Variants in PNPLA6 observed in about 807,000 individuals in gnomAD.
The protein encoded by PNPLA6 is patatin like domain 6, lysophospholipase.
A neutral mutation model predicts 153.7 loss-of-function variants in PNPLA6; 105 were observed. That is an observed-to-expected ratio of 0.68 (90% CI 0.58 to 0.80). PNPLA6 has a LOEUF of 0.80. Ranked by LOEUF, PNPLA6 falls within the 30% of genes least tolerant of loss-of-function variation. The pLI is 0.00. For synonymous variants in PNPLA6, 825 were observed against 822.2 expected (o/e 1.00, Z -0.06); for missense variants, 1,423 against 1,919.3 (o/e 0.74, Z 4.83).
intron 10 of PNPLA6, 46 bp from the exon 11 acceptor site, chr19:7,542,515 T>C (rs1387460746): frequency 2.8e-6 from 4 of 1,440,254 alleles, no homozygotes; most frequent in Non-Finnish European, 3.9e-6. Flanking sequence ...TTTAAAAATC[T>C]TACTCTCATC....
At position 7,540,089 on chromosome 19, in the gene PNPLA6, G is replaced by T. The variant is rs761695365; in HGVS notation, c.554+31G>T. On this transcript the variant is annotated intron_variant, in intron 4 of 31. Coordinates refer to ENST00000600737, the MANE Select transcript of PNPLA6 (RefSeq NM_001166114.2). This position sits in a 1 kb window ranked among gnomAD's most constrained non-coding sequence, Gnocchi z 6.8. Reference sequence around the variant, plus strand: ...TGTTGGGGTGCAGGTGGGGGTGGAGGGCTGCAGACGTGGGGCCGCCCTGAC... The same window carrying T: ...TGTTGGGGTGCAGGTGGGGGTGGAGTGCTGCAGACGTGGGGCCGCCCTGAC... 2.5e-6 allele frequency: 4 copies of T among 1,614,034 alleles called. No individual in the cohort carries two copies. The South Asian group carries it at 3.3e-5, about 13-fold the overall frequency.
chr19:7,536,185 C>G lies in PNPLA6; in HGVS notation c.233-6C>G. The G allele has an allele frequency of 6.2e-7, 1 of 1,602,330 alleles. No homozygotes were observed. The highest frequency in any genetic ancestry group is 8.6e-7 in the Non-Finnish European group (1 of 1,169,358). On this transcript the variant is annotated splice_region_variant and splice_polypyrimidine_tract_variant and intron_variant, in intron 1 of 31. Coordinates refer to ENST00000600737, the MANE Select transcript of PNPLA6 (RefSeq NM_001166114.2). The stretch of plus-strand genomic sequence containing the variant: ...TCGGAGTGCCCCTGTCCCCACCTAT[C>G]CCCAGAAACCCCAGCCCCGGATGGC...
In PNPLA6 at chr19:7,557,325, C is replaced by G. The variant is rs187553476; in HGVS notation, c.3397+41C>G. 27 of 1,214,416 alleles carry G rather than the reference C, an allele frequency of 2.2e-5. No homozygotes were observed. In the Admixed American group the frequency reaches 4.6e-4, roughly 21 times the overall value. 75.2% of individuals were successfully genotyped at this position (1,214,416 alleles called of 1,614,324 possible). A position where few individuals can be genotyped will look rare whatever the true frequency, so the allele number is the denominator to read the frequency against. On this transcript the variant is annotated intron_variant, in intron 27 of 31. Coordinates refer to ENST00000600737, the MANE Select transcript of PNPLA6 (RefSeq NM_001166114.2). ...CACCACCCGCACACGCAAGCACCTCCCGCACCACACACACGCACACGCGTG... is the reference window on the plus strand; with the variant it reads ...CACCACCCGCACACGCAAGCACCTCGCGCACCACACACACGCACACGCGTG...
chr19:7,548,750 TAGAG>T (rs149393655), intron 13 of PNPLA6, among the ~76,000 whole-genome samples: 2 of 149,440 alleles, frequency 1.3e-5, no homozygotes, highest in Non-Finnish European at 3.0e-5. Context: ...CATATATATA[TAGAG>T]AGAGAGATGC....
Position 7,541,360 on chromosome 19 carries a change from ATGGTGCGGCTGC to A in PNPLA6, c.932_943del (p.Met311_Gln315delinsLys). ...CGCCCCTCGAGCCCTGCAGATCATCATGGTGCGGCTGCAGCGAGTCACCTTCCTGGCACTGCA... is the reference window on the plus strand; with the variant it reads ...CGCCCCTCGAGCCCTGCAGATCATCAAGCGAGTCACCTTCCTGGCACTGCA... On this transcript the variant is annotated inframe_deletion, in exon 8 of 32. Transcript: ENST00000600737. The surrounding 1 kb of genome is among the most constrained non-coding windows in gnomAD (Gnocchi z 5.2). 1 of 1,613,442 alleles carries A rather than the reference ATGGTGCGGCTGC, an allele frequency of 6.2e-7. No homozygotes were observed. The highest frequency in any genetic ancestry group is 1.1e-5 in the South Asian group (1 of 91,062).
At position 7,540,211 on chromosome 19, in the gene PNPLA6, G is replaced by C; in HGVS notation, c.617G>C (p.Arg206Pro). The C allele has an allele frequency of 6.2e-7, 1 of 1,610,324 alleles. No homozygotes were observed. Residue 206 changes from arginine to proline, a missense_variant, in exon 5 of 32, where the codon CGG (arginine) becomes CCG (proline). This residue lies in a region of PNPLA6 where 118 missense variants were observed against 158.8 expected (regional missense o/e 0.74). Transcript: ENST00000600737. This position sits in a 1 kb window ranked among gnomAD's most constrained non-coding sequence, Gnocchi z 6.8. ...CTCTGCCGCCACATGGTCTTCCAGC[G>C]GCTGGGCCAGGGTGACTACGTCTTC... is the stretch of plus-strand genomic sequence containing the variant. ...LELCRHMVFQ[R>P]LGQGDYVFRP...
At chr19:7,548,190 C>G (rs60649173) in intron 13 of PNPLA6, among the ~76,000 whole-genome samples, 1 of 151,730 alleles carries the variant, frequency 6.6e-6, no homozygotes, top group Non-Finnish European at 1.5e-5. Flanking sequence ...ACTAAAAATA[C>G]AAAAATTAGC....
chr19:7,546,325 C>T (rs2023385497), intron 13 of PNPLA6, among the ~76,000 whole-genome samples: 1 of 152,048 alleles, frequency 6.6e-6, no homozygotes, highest in Non-Finnish European at 1.5e-5. Flanking sequence ...ATACAATTTA[C>T]CCATTTAAAG....
At position 7,540,415 on chromosome 19, in the gene PNPLA6, C is replaced by A. The variant is rs2023077754; in HGVS notation, c.714+107C>A. ...TCTTTGGAGATGCGTCATCGGGAGT[C>A]AGGGGAACGGGTGACCGAGGACATT... On this transcript the variant is annotated intron_variant, in intron 5 of 31. Coordinates refer to ENST00000600737, the MANE Select transcript of PNPLA6 (RefSeq NM_001166114.2). This position sits in a 1 kb window ranked among gnomAD's most constrained non-coding sequence, Gnocchi z 6.8. 10 of 1,301,962 alleles carry A rather than the reference C, an allele frequency of 7.7e-6. No individual in the cohort carries two copies. The South Asian group carries it at 9.5e-5, about 12-fold the overall frequency. 80.7% of individuals were successfully genotyped at this position (1,301,962 alleles called of 1,614,324 possible).
Position 7,554,654 on chromosome 19 carries a change from G to A in PNPLA6, c.2565G>A (p.Val855=). 1 of 1,614,008 alleles carries A rather than the reference G, an allele frequency of 6.2e-7. No individual in the cohort carries two copies. Reference sequence around the variant, plus strand: ...ACGCCTCGCTGACGCCCTGGACCGTGCGCTGCCTGCGACAGGCCGACTGCA... The same window carrying A: ...ACGCCTCGCTGACGCCCTGGACCGTACGCTGCCTGCGACAGGCCGACTGCA... The part of the protein sequence containing the change: ...QTDASLTPWT[V]RCLRQADCIL... The change falls in exon 21 of 32, where the codon GTG becomes GTA. Residue 855 remains valine, a synonymous_variant. Coordinates refer to ENST00000600737, the MANE Select transcript of PNPLA6 (RefSeq NM_001166114.2).
chr19:7,561,427 G>A, intron 31 of PNPLA6, 61 bp from the exon 32 acceptor site: 2 of 1,466,166 alleles, frequency 1.4e-6, no homozygotes, highest in Admixed American at 1.9e-5. Context: ...CTGGGTGCTG[G>A]CTGACATGTG....
At position 7,542,032 on chromosome 19, in the gene PNPLA6, T is replaced by C. The variant is rs2023171254; in HGVS notation, c.1217T>C (p.Leu406Pro). The C allele has an allele frequency of 6.2e-7, 1 of 1,607,732 alleles. No homozygotes were observed. The highest frequency in any genetic ancestry group is 2.2e-5 in the East Asian group (1 of 44,884). The change falls in exon 10 of 32, where the codon CTG (leucine) becomes CCG (proline). Residue 406 changes from leucine (L) to proline (P), a missense_variant. By Grantham distance (98) the Leu-to-Pro change is moderately conservative. This residue lies in a region of PNPLA6 where 267 missense variants were observed against 255.1 expected (regional missense o/e 1.05). Transcript: ENST00000600737. Reference sequence around the variant, plus strand: ...CTGGAAACCCCCTCGGCCCCTCTGCTGAGCCGCTGCGTCTCCATGCCAGGG... The same window carrying C: ...CTGGAAACCCCCTCGGCCCCTCTGCCGAGCCGCTGCGTCTCCATGCCAGGG... ...TSLETPSAPL[L>P]SRCVSMPGDI...
Position 7,543,099 on chromosome 19 carries a change from T to A in PNPLA6, c.1608+15T>A, listed in dbSNP as rs1568410617. On this transcript the variant is annotated intron_variant, in intron 13 of 31. Coordinates refer to ENST00000600737, the MANE Select transcript of PNPLA6 (RefSeq NM_001166114.2). ...AGGGAGACCAGGTGAGGCTGACCCCTGACCTGTAACCATGCCACCTGAGAT... is the reference window on the plus strand; with the variant it reads ...AGGGAGACCAGGTGAGGCTGACCCCAGACCTGTAACCATGCCACCTGAGAT... 6.2e-7 allele frequency: 1 copy of A among 1,609,974 alleles called. No individual in the cohort carries two copies. Among genetic ancestry groups the A allele is most frequent in the South Asian group, 1.1e-5 (1 of 91,004 alleles).
At chr19:7,552,972 C>T (rs2146096406) in intron 18 of PNPLA6, among the ~76,000 whole-genome samples, 1 of 139,616 alleles carries the variant, frequency 7.2e-6, no homozygotes, top group South Asian at 2.2e-4. Context: ...GGGTGCTGCA[C>T]AGGAGGCTGG....
chr19:7,547,511 T>C (rs918157237), intron 13 of PNPLA6, among the ~76,000 whole-genome samples: 19 of 152,198 alleles, frequency 1.2e-4, no homozygotes, highest in Non-Finnish European at 1.2e-4. Flanking sequence ...ACTCTTACTT[T>C]TTTTAGAGAC....
chr19:7,536,686 G>C (rs2022887311), intron 3 of PNPLA6, 140 bp downstream of exon 3: 4 of 713,828 alleles, frequency 5.6e-6, no homozygotes, highest in Non-Finnish European at 1.0e-5. Context: ...CCAGCACTTT[G>C]GGAGGCTAAG....
chr19:7,536,926 CAAAAAA>C (rs56310906), intron 3 of PNPLA6, among the ~76,000 whole-genome samples: 1 of 53,966 alleles, frequency 1.9e-5, no homozygotes, highest in African/African-American at 7.3e-5. Flanking sequence ...GACTCTGTCT[CAAAAAA>C]AAAAAAAAAA....
At chr19:7,556,897 G>A (rs2023902089) in intron 26 of PNPLA6, 173 bp downstream of exon 26, 7 of 697,718 alleles carry the variant, frequency 1.0e-5, no homozygotes, top group Non-Finnish European at 1.6e-5. Flanking sequence ...CCCCAGGTAC[G>A]TCCGTCCTTG....
Position 7,541,629 on chromosome 19 carries a change from G to T in PNPLA6, c.1113G>T (p.Arg371Ser). 1 of 1,588,588 alleles carries T rather than the reference G, an allele frequency of 6.3e-7. No homozygotes were observed. Among genetic ancestry groups the T allele is most frequent in the South Asian group, 1.1e-5 (1 of 88,040 alleles). ...MVSTSATDEP[R>S]ETPGRPPDPT... ...GCACCTCAGCTACAGACGAGCCCAGGGAGACCCCAGGGCGGCCACCCGATC... is the reference window on the plus strand; with the variant it reads ...GCACCTCAGCTACAGACGAGCCCAGTGAGACCCCAGGGCGGCCACCCGATC... The change falls in exon 9 of 32, where the codon AGG becomes AGT. Residue 371 changes from arginine to serine, a missense_variant. Physicochemically the swap from Arg to Ser is moderately radical, Grantham distance 110 (BLOSUM62 -1). Around this residue, in one of 10 missense-constraint regions of PNPLA6, gnomAD observed 267 missense variants for 255.1 expected, o/e 1.05. Transcript: ENST00000600737. The surrounding 1 kb of genome is among the most constrained non-coding windows in gnomAD (Gnocchi z 5.2).
Sources: allele counts gnomAD v4.1 joint callset (sites outside exome capture counted in the v4.1 genomes callset), GRCh38; gene constraint gnomAD v4.1.1; regional missense constraint gnomAD v4.1.1; non-coding constraint Gnocchi (gnomAD v3.1); transcripts MANE v1.5; gene names NCBI Gene and HGNC (gene_info 2026-07-23, HGNC 2026-07-21).